The following STK17A variants were observed in gnomAD, a reference collection of about 807,000 sequenced individuals.
STK17A encodes serine/threonine-protein kinase 17A.
In STK17A, 26 loss-of-function variants were observed where a neutral mutation model predicts 43.7. The observed-to-expected ratio is 0.60, with a 90% CI of 0.44 to 0.83. The LOEUF (loss-of-function observed/expected upper bound fraction) is 0.83. Among genes scored for constraint, STK17A ranks in the 40% least tolerant of loss-of-function variants. The pLI is 0.00. For missense variants in STK17A, 476 were observed against 511.6 expected (o/e 0.93, Z 0.67); for synonymous variants, 191 against 182.5 (o/e 1.05, Z -0.38).
chr7:43,609,766 C>T (rs1351333222), intron 3 of STK17A: 1 of 152,224 alleles, frequency 6.6e-6, no homozygotes, highest in East Asian at 1.9e-4. Flanking sequence ...AGGATGGTAA[C>T]CTGAGAAGGC....
At chr7:43,622,166 A>G (rs555886998) in intron 4 of STK17A, 1 of 152,316 alleles carries the variant, frequency 6.6e-6, no homozygotes, top group African/African-American at 2.4e-5. Context: ...CAGTCTTGCT[A>G]TGTGGTCTGT....
At chr7:43,623,092 T>A (rs2084091989) in intron 4 of STK17A, 1 of 152,894 alleles carries the variant, frequency 6.5e-6, no homozygotes, top group African/African-American at 2.4e-5. Context: ...GACTTTTTGT[T>A]AATGGGTAGA....
intron 3 of STK17A, among the ~76,000 whole-genome samples, chr7:43,612,097 A>G (rs1014139422): frequency 2.6e-5 from 4 of 152,128 alleles, no homozygotes; most frequent in African/African-American, 9.7e-5. Context: ...TCTCTAATAC[A>G]CTTGGTTTAG....
At chr7:43,621,275 T>C (rs1266676721) in intron 4 of STK17A, among the ~76,000 whole-genome samples, 2 of 152,220 alleles carry the variant, frequency 1.3e-5, no homozygotes, top group Non-Finnish European at 2.9e-5. Flanking sequence ...CTGACTAATA[T>C]GCGTCATGAC....
At chr7:43,592,446 ACATGGAGGAC>A (rs1168029150) in intron 1 of STK17A, among the ~76,000 whole-genome samples, 2,441 of 147,924 alleles carry the variant, frequency 0.017, 47 homozygotes, top group Non-Finnish European at 0.028. Context: ...AATGATAAAA[ACATGGAGGAC>A]ATGAAAATTA....
intron 1 of STK17A, among the ~76,000 whole-genome samples, chr7:43,589,953 ATTTTATTTTAT>A: frequency 6.9e-6 from 1 of 144,934 alleles, no homozygotes; most frequent in African/African-American, 2.5e-5. Flanking sequence ...ATTTTATTTT[ATTTTATTTTAT>A]TTTATTTGAG....
At chr7:43,606,794 G>A (rs556254613) in intron 2 of STK17A, among the ~76,000 whole-genome samples, 44 of 151,502 alleles carry the variant, frequency 2.9e-4, no homozygotes, top group African/African-American at 1.1e-3. Flanking sequence ...TAGTTAATGA[G>A]TAAAATCCAC....
intron 3 of STK17A, among the ~76,000 whole-genome samples, chr7:43,613,073 G>A (rs1200552141): frequency 6.6e-6 from 1 of 152,112 alleles, no homozygotes; most frequent in East Asian, 1.9e-4. Context: ...TCAGAGGGAG[G>A]GAGGACTGAC....
At chr7:43,618,687 T>C (rs1166158757) in intron 3 of STK17A, among the ~76,000 whole-genome samples, 2 of 152,218 alleles carry the variant, frequency 1.3e-5, no homozygotes, top group Non-Finnish European at 2.9e-5. Flanking sequence ...TGCTTGTCTT[T>C]TTATGTGAAA....
chr7:43,624,422 A>G (rs2084261800), intron 6 of STK17A, 96 bp from the exon 7 acceptor site: 1 of 1,256,672 alleles, frequency 8.0e-7, no homozygotes, highest in Non-Finnish European at 1.0e-6. Context: ...AACTTGTCAG[A>G]CTTCCCAAAA....
chr7:43,583,459 G>C lies in STK17A; in HGVS notation c.206+10G>C. The C allele has an allele frequency of 7.7e-7, 1 of 1,304,334 alleles. No individual in the cohort carries two copies. Among genetic ancestry groups the C allele is most frequent in the Non-Finnish European group, 9.7e-7 (1 of 1,028,512 alleles). 80.8% of individuals were successfully genotyped at this position (1,304,334 alleles called of 1,614,324 possible). ...GCCGGGAGCTGGGCAGGTGAGGACG[G>C]GCGGGGCCCGGCGCGGAACCTTCCC... is the stretch of plus-strand genomic sequence containing the variant. On this transcript the variant is annotated intron_variant, in intron 1 of 6. Coordinates refer to ENST00000319357, the MANE Select transcript of STK17A (RefSeq NM_004760.3).
Position 43,596,083 on chromosome 7 carries a change from C to G in STK17A, c.389C>G (p.Thr130Ser). The G allele has an allele frequency of 1.9e-6, 3 of 1,612,318 alleles. No individual in the cohort carries two copies. The highest frequency in any genetic ancestry group is 2.5e-6 in the Non-Finnish European group (3 of 1,179,180). Reference sequence around the variant, plus strand: ...ATTAATTTACATGAAGTTTATGAGACTGCATCAGAAATGATCTTAGTTCTG... The same window carrying G: ...ATTAATTTACATGAAGTTTATGAGAGTGCATCAGAAATGATCTTAGTTCTG... Reference protein sequence around the residue: ...WVINLHEVYETASEMILVLEY... With the variant: ...WVINLHEVYESASEMILVLEY... The change falls in exon 2 of 7, where the codon ACT becomes AGT. Residue 130 changes from threonine to serine, a missense_variant. Around this residue, in one of 3 missense-constraint regions of STK17A, gnomAD observed 320 missense variants for 326.3 expected, o/e 0.98. Coordinates refer to ENST00000319357, the MANE Select transcript of STK17A (RefSeq NM_004760.3).
chr7:43,606,501 GT>G (rs2082589631), intron 2 of STK17A, among the ~76,000 whole-genome samples: 1 of 152,032 alleles, frequency 6.6e-6, no homozygotes, highest in African/African-American at 2.4e-5. Context: ...AGTTCTAAAT[GT>G]TTTCTGTAAA....
chr7:43,611,486 G>A (rs1236743826), intron 3 of STK17A, among the ~76,000 whole-genome samples: 1 of 152,198 alleles, frequency 6.6e-6, no homozygotes, highest in African/African-American at 2.4e-5. Context: ...GTGGCCTGAT[G>A]TTAATGCTGA....
intron 3 of STK17A, 186 bp downstream of exon 3, chr7:43,608,586 T>C: frequency 1.8e-6 from 1 of 556,192 alleles, no homozygotes; most frequent in Non-Finnish European, 3.0e-6. Context: ...CACACATGTG[T>C]ACATGGAAAG....
At chr7:43,604,490 C>T (rs1219882074) in intron 2 of STK17A, among the ~76,000 whole-genome samples, 1 of 152,106 alleles carries the variant, frequency 6.6e-6, no homozygotes, top group Non-Finnish European at 1.5e-5. Flanking sequence ...TCTACCTCAC[C>T]CTACATTCTT....
chr7:43,613,958 A>T (rs1205587630), intron 3 of STK17A, among the ~76,000 whole-genome samples: 1 of 152,214 alleles, frequency 6.6e-6, no homozygotes, highest in African/African-American at 2.4e-5. Context: ...ACTTGAAAGC[A>T]GGGGTAATAA....
At chr7:43,594,792 G>T (rs1472571407) in intron 1 of STK17A, among the ~76,000 whole-genome samples, 1 of 151,068 alleles carries the variant, frequency 6.6e-6, no homozygotes, top group African/African-American at 2.4e-5. Flanking sequence ...AGGGCATGGA[G>T]GCTCATGCCT....
At chr7:43,613,517 T>C (rs949854176) in intron 3 of STK17A, among the ~76,000 whole-genome samples, 2 of 152,072 alleles carry the variant, frequency 1.3e-5, no homozygotes, top group African/African-American at 4.8e-5. Flanking sequence ...TATCACTAAC[T>C]TTTCCACCCA....
Sources: gnomAD v4.1 joint callset for allele counts (sites outside exome capture counted in the v4.1 genomes callset) on GRCh38, gnomAD v4.1.1 for gene constraint, gnomAD v4.1.1 regional missense constraint, MANE v1.5 for transcripts, NCBI Gene and HGNC (gene_info 2026-07-23, HGNC 2026-07-21) for gene names.